CORIN: variants seen among roughly 807,000 people sequenced by gnomAD.
The protein encoded by CORIN is atrial natriuretic peptide-converting enzyme.
CORIN carries 117 observed loss-of-function variants against 125.3 expected under a neutral mutation model. The observed-to-expected ratio is 0.93, with a 90% CI of 0.80 to 1.09. The LOEUF (loss-of-function observed/expected upper bound fraction) is 1.09. CORIN is among the 50% of genes least tolerant of loss of function. The pLI is 0.00. For missense variants in CORIN, 1,253 were observed against 1,306.7 expected (o/e 0.96, Z 0.63); for synonymous variants, 450 against 466.4 (o/e 0.96, Z 0.45).
chr4:47,722,986 A>C (rs1261235573), intron 5 of CORIN, among the ~76,000 whole-genome samples: 2 of 152,204 alleles, frequency 1.3e-5, no homozygotes, highest in African/African-American at 4.8e-5. Flanking sequence ...AAATCATGGA[A>C]CTGTGCAGCA....
chr4:47,600,793 C>A (rs557529317), intron 20 of CORIN, among the ~76,000 whole-genome samples: 188 of 152,256 alleles, frequency 1.2e-3, no homozygotes, highest in Non-Finnish European at 2.4e-3. Flanking sequence ...AAGGGTTGTC[C>A]TATTCTTGAT....
At chr4:47,600,120 T>C (rs1721394051) in intron 21 of CORIN, 94 bp downstream of exon 21, 52 of 1,128,686 alleles carry the variant, frequency 4.6e-5, no homozygotes, top group Non-Finnish European at 6.3e-5. Context: ...TTTCAAAAAA[T>C]GTTTCCAAAG....
intron 5 of CORIN, among the ~76,000 whole-genome samples, chr4:47,731,666 C>T (rs938811748): frequency 1.3e-5 from 2 of 151,982 alleles, no homozygotes; most frequent in Non-Finnish European, 2.9e-5. Flanking sequence ...GTCAGGAGTT[C>T]GAGACTAGCC....
chr4:47,661,053 A>G (rs1724228066), intron 12 of CORIN, among the ~76,000 whole-genome samples: 1 of 152,248 alleles, frequency 6.6e-6, no homozygotes, highest in Non-Finnish European at 1.5e-5. Flanking sequence ...AGACGTCATT[A>G]TGTTACCTGA....
intron 10 of CORIN, among the ~76,000 whole-genome samples, chr4:47,671,403 TAG>T (rs1397142970): frequency 1.3e-5 from 2 of 152,200 alleles, no homozygotes; most frequent in African/African-American, 4.8e-5. Flanking sequence ...AGTCTCTTGA[TAG>T]TGGTAAACAT....
chr4:47,777,359 G>C (rs1268625505), intron 3 of CORIN, among the ~76,000 whole-genome samples: 1 of 152,096 alleles, frequency 6.6e-6, no homozygotes, highest in Admixed American at 6.5e-5. Context: ...CTGGCCAGGC[G>C]CGGTGGCTCA....
intron 3 of CORIN, among the ~76,000 whole-genome samples, chr4:47,777,411 T>A (rs527973562): frequency 6.6e-6 from 1 of 152,180 alleles, no homozygotes; most frequent in Non-Finnish European, 1.5e-5. Context: ...GGCAGGCAGA[T>A]CAAGACGTCA....
At chr4:47,634,033 C>A (rs9918069) in intron 16 of CORIN, among the ~76,000 whole-genome samples, 1 of 151,774 alleles carries the variant, frequency 6.6e-6, no homozygotes, top group African/African-American at 2.4e-5. Flanking sequence ...ACTAAAAAAT[C>A]GGCATTTTAA....
At chr4:47,712,246 T>A (rs1300621794) in intron 5 of CORIN, among the ~76,000 whole-genome samples, 1 of 152,194 alleles carries the variant, frequency 6.6e-6, no homozygotes, top group South Asian at 2.1e-4. Context: ...ATTATCATGA[T>A]ATATATGATA....
chr4:47,652,406 A>T (rs929002292), intron 13 of CORIN, among the ~76,000 whole-genome samples: 9 of 152,220 alleles, frequency 5.9e-5, no homozygotes, highest in Non-Finnish European at 8.8e-5. Flanking sequence ...CAAAGGCCAA[A>T]AGAATGAAAT....
chr4:47,625,021 T>C (rs1189751668), intron 17 of CORIN, among the ~76,000 whole-genome samples: 2 of 152,138 alleles, frequency 1.3e-5, no homozygotes, highest in Non-Finnish European at 2.9e-5. Flanking sequence ...GAAAAGCTCA[T>C]TTGCTTTCTA....
rs189064779 is a variant in CORIN, at chr4:47,728,488, A to C, written c.799+15914T>G. On this transcript the variant is annotated intron_variant, in intron 5 of 21. Coordinates refer to ENST00000273857, the MANE Select transcript of CORIN (RefSeq NM_006587.4). ...ATCAGCTATGATTAAATTGACCATG[A>C]TGGGGCGTACAAAGCTGAATACAGA... 9.4e-4 allele frequency among the ~76,000 whole-genome samples: 143 copies of C among 152,268 alleles called. 1 individual carries two copies. The highest frequency in any genetic ancestry group is 3.3e-3 in the African/African-American group (139 of 41,560).
chr4:47,723,764 C>G (rs995712212), intron 5 of CORIN, among the ~76,000 whole-genome samples: 1 of 151,516 alleles, frequency 6.6e-6, no homozygotes, highest in South Asian at 2.1e-4. Context: ...TTTGGGAGGC[C>G]GAGGTCAGGA....
At chr4:47,757,878 GTATATATATATATA>G (rs59621469) in intron 4 of CORIN, among the ~76,000 whole-genome samples, 19 of 123,926 alleles carry the variant, frequency 1.5e-4, no homozygotes, top group African/African-American at 4.6e-4. Flanking sequence ...ATATATATAT[GTATATATATATATA>G]TATATATATA....
intron 19 of CORIN, among the ~76,000 whole-genome samples, chr4:47,607,860 T>C (rs974183645): frequency 4.6e-5 from 7 of 150,986 alleles, no homozygotes; most frequent in Non-Finnish European, 1.0e-4. Flanking sequence ...GGCAGGAGAA[T>C]CACTTAAACC....
At chr4:47,774,399 G>C (rs1462254734) in intron 3 of CORIN, among the ~76,000 whole-genome samples, 2 of 152,134 alleles carry the variant, frequency 1.3e-5, no homozygotes, top group Non-Finnish European at 2.9e-5. Flanking sequence ...GTTTCTTTCT[G>C]GGTAGGGGAA....
intron 5 of CORIN, among the ~76,000 whole-genome samples, chr4:47,703,034 C>T (rs1192912832): frequency 6.6e-6 from 1 of 151,708 alleles, no homozygotes; most frequent in Non-Finnish European, 1.5e-5. Context: ...CCGTCATCTA[C>T]ATTAGGTATT....
chr4:47,718,002 G>A (rs368724321), intron 5 of CORIN, among the ~76,000 whole-genome samples: 25 of 152,062 alleles, frequency 1.6e-4, no homozygotes, highest in African/African-American at 5.6e-4. Context: ...AGGAGGGAGG[G>A]GAAACTGGGA....
chr4:47,627,287 C>G (rs1344177118), intron 16 of CORIN, among the ~76,000 whole-genome samples: 1 of 152,046 alleles, frequency 6.6e-6, no homozygotes, highest in Non-Finnish European at 1.5e-5. Context: ...CTGGCCTCAT[C>G]TGATTATTAT....
Sources: allele counts gnomAD v4.1 joint callset (sites outside exome capture counted in the v4.1 genomes callset), GRCh38; gene constraint gnomAD v4.1.1; transcripts MANE v1.5; gene names NCBI Gene and HGNC (gene_info 2026-07-23, HGNC 2026-07-21).